The following ITGA11 variants were observed in gnomAD, a reference collection of about 807,000 sequenced individuals.
ITGA11 encodes integrin subunit alpha 11.
ITGA11 carries 97 observed loss-of-function variants against 141.9 expected under a neutral mutation model. The ratio of observed to expected loss-of-function variants is 0.68; its 90% CI spans 0.58 to 0.81. The LOEUF is 0.81. Among genes scored for constraint, ITGA11 ranks in the 30% least tolerant of loss-of-function variants. ITGA11 has a pLI of 0.00. For missense variants in ITGA11, 1,387 were observed against 1,559.2 expected (o/e 0.89, Z 1.86); for synonymous variants, 658 against 624.6 (o/e 1.05, Z -0.80).
chr15:68,388,179 C>T (rs1896031301), intron 2 of ITGA11, among the ~76,000 whole-genome samples: 1 of 152,188 alleles, frequency 6.6e-6, no homozygotes, highest in African/African-American at 2.4e-5. Context: ...AATCATCCTG[C>T]AGCCTCTTGC....
chr15:68,336,610 C>G lies in ITGA11; in HGVS notation c.1277-765G>C, dbSNP rs915850833. ...AAATGTGCAGCAACTTCAGGCAACT[C>G]TCCTGAAAGTGGGCTCCAGCAGGTG... On this transcript the variant is annotated intron_variant, in intron 11 of 29. Coordinates refer to ENST00000315757, the MANE Select transcript of ITGA11 (RefSeq NM_001004439.2). Among the ~76,000 whole-genome samples, 5 of 152,208 alleles carry G rather than the reference C, an allele frequency of 3.3e-5. No homozygotes were observed. The South Asian group carries it at 8.3e-4, about 25-fold the overall frequency.
At chr15:68,352,564 G>A (rs1229767396) in intron 7 of ITGA11, among the ~76,000 whole-genome samples, 1 of 152,120 alleles carries the variant, frequency 6.6e-6, no homozygotes, top group Non-Finnish European at 1.5e-5. Flanking sequence ...CTGAAAACAG[G>A]ATGTGCCAGG....
At chr15:68,369,326 A>T (rs1419650318) in intron 2 of ITGA11, 42 bp from the exon 3 acceptor site, 1 of 1,205,838 alleles carries the variant, frequency 8.3e-7, no homozygotes, top group Admixed American at 2.2e-5. Context: ...TGGGGGAGGT[A>T]CTCTTTCCTG....
chr15:68,416,870 C>T (rs181094145), intron 1 of ITGA11, among the ~76,000 whole-genome samples: 11 of 152,240 alleles, frequency 7.2e-5, no homozygotes, highest in Middle Eastern at 3.4e-3. Flanking sequence ...AAGCCAAGAT[C>T]GCACCACTGC....
Position 68,303,865 on chromosome 15 carries a change from C to A in ITGA11, c.3402G>T (p.Lys1134Asn), listed in dbSNP as rs201171435. Reference protein sequence around the residue: ...PSRQIVFEISKQEDWQVPIWI... With the variant: ...PSRQIVFEISNQEDWQVPIWI... ...AGATGGGGACCTGCCAGTCCTCTTG[C>A]TTGGAGATCTCAAACACGATCTGCA... Residue 1134 changes from lysine to asparagine, a missense_variant, in exon 29 of 30, where the codon AAG becomes AAT. Transcript: ENST00000315757. This position sits in a 1 kb window ranked among gnomAD's most constrained non-coding sequence, Gnocchi z 5.3. 8.3e-4 allele frequency: 1,336 copies of A among 1,612,354 alleles called. 20 individuals are homozygous for A. The Admixed American group carries it at 0.021, about 26-fold the overall frequency.
intron 10 of ITGA11, among the ~76,000 whole-genome samples, chr15:68,342,771 G>A (rs561008538): frequency 6.6e-6 from 1 of 152,328 alleles, no homozygotes; most frequent in South Asian, 2.1e-4. Flanking sequence ...GGGTAGTGGT[G>A]GGGGTGCTAC....
intron 10 of ITGA11, among the ~76,000 whole-genome samples, chr15:68,344,872 C>T (rs966302002): frequency 7.9e-5 from 12 of 152,278 alleles, no homozygotes; most frequent in African/African-American, 2.6e-4. Context: ...AAACTGCTTC[C>T]TTCTGTAAAC....
At chr15:68,383,654 T>G (rs1373083605) in intron 2 of ITGA11, among the ~76,000 whole-genome samples, 2 of 152,154 alleles carry the variant, frequency 1.3e-5, no homozygotes, top group African/African-American at 4.8e-5. Context: ...GCACATAAAG[T>G]GCCAAGGAGC....
At position 68,298,890 on chromosome 15, in the gene ITGA11, A is replaced by T. The variant is rs1892964270; in HGVS notation, c.*4169T>A. On this transcript the variant is annotated 3_prime_UTR_variant, in exon 30 of 30. Coordinates refer to ENST00000315757, the MANE Select transcript of ITGA11 (RefSeq NM_001004439.2). The stretch of plus-strand genomic sequence containing the variant: ...GCGAGACCCTGTCTCTACAAAAAAT[A>T]CTAAAATTAGCTGAGTGTGGTGTGT... 1 of 152,162 alleles carries T rather than the reference A, an allele frequency of 6.6e-6. No homozygotes were observed. Among genetic ancestry groups the T allele is most frequent in the Admixed American group, 6.5e-5 (1 of 15,282 alleles). 9.4% of individuals were successfully genotyped at this position (152,162 alleles called of 1,614,324 possible).
intron 2 of ITGA11, among the ~76,000 whole-genome samples, chr15:68,374,527 T>C (rs1341836074): frequency 6.6e-6 from 1 of 152,050 alleles, no homozygotes; most frequent in Non-Finnish European, 1.5e-5. Context: ...CCTAGGGTGG[T>C]GCTTCCCCCA....
intron 9 of ITGA11, among the ~76,000 whole-genome samples, chr15:68,350,159 G>A (rs771160887): frequency 6.6e-5 from 10 of 152,210 alleles, no homozygotes; most frequent in African/African-American, 1.2e-4. Context: ...CGTCCGGCAC[G>A]GAGTAATACT....
chr15:68,359,376 T>C (rs1470335133), intron 5 of ITGA11, among the ~76,000 whole-genome samples: 3 of 152,340 alleles, frequency 2.0e-5, no homozygotes, highest in African/African-American at 7.2e-5. Flanking sequence ...CTGGGAGTCA[T>C]GGCTCACACC....
chr15:68,340,281 CAGTGAGGCTGAATCTAG>C (rs934685987), intron 10 of ITGA11, among the ~76,000 whole-genome samples: 205 of 151,650 alleles, frequency 1.4e-3, no homozygotes, highest in Admixed American at 1.3e-3. Context: ...GGGAAAACCA[CAGTGAGGCTGAATCTAG>C]ATTGAGATGG....
chr15:68,429,764 T>G (rs1897228193), intron 1 of ITGA11, among the ~76,000 whole-genome samples: 1 of 152,232 alleles, frequency 6.6e-6, no homozygotes, highest in African/African-American at 2.4e-5. Flanking sequence ...GGTTTTAAAA[T>G]ATTCATCATC....
intron 20 of ITGA11, among the ~76,000 whole-genome samples, chr15:68,317,707 G>T (rs148301867): frequency 4.1e-4 from 62 of 152,306 alleles, no homozygotes; most frequent in African/African-American, 1.5e-3. Flanking sequence ...TACATGACGC[G>T]ATGCACATAA....
At chr15:68,375,916 C>T (rs1261447512) in intron 2 of ITGA11, among the ~76,000 whole-genome samples, 2 of 152,134 alleles carry the variant, frequency 1.3e-5, no homozygotes, top group African/African-American at 4.8e-5. Context: ...GGGTGGGCCT[C>T]ATCCAATCAG....
intron 2 of ITGA11, 37 bp downstream of exon 2, chr15:68,402,881 G>A (rs142001507): frequency 1.4e-5 from 20 of 1,414,126 alleles, no homozygotes. Context: ...GGTGTGGAAT[G>A]GTACAGGGCT....
In ITGA11 at chr15:68,333,065, T is replaced by G. The variant is rs570866103; in HGVS notation, c.1426-587A>C. Among the ~76,000 whole-genome samples the G allele has an allele frequency of 1.9e-4, 29 of 152,196 alleles. No homozygotes were observed. The highest frequency in any genetic ancestry group is 6.3e-4 in the African/African-American group (26 of 41,530). ...ATTCCACAGTGCTCCAAATTATGCA[T>G]GTATCATAATGTGTTTAATCAGTTA... On this transcript the variant is annotated intron_variant, in intron 12 of 29. Coordinates refer to ENST00000315757, the MANE Select transcript of ITGA11 (RefSeq NM_001004439.2). The surrounding 1 kb of genome is among the most constrained non-coding windows in gnomAD (Gnocchi z 4.2).
intron 3 of ITGA11, among the ~76,000 whole-genome samples, chr15:68,365,701 T>C (rs558273494): frequency 1.2e-4 from 11 of 92,654 alleles, no homozygotes; most frequent in African/African-American, 2.4e-4. Context: ...CTTTTCTCTT[T>C]TCTTTTTTTT....
Sources: gnomAD v4.1 joint callset for allele counts (sites outside exome capture counted in the v4.1 genomes callset) on GRCh38, gnomAD v4.1.1 for gene constraint, Gnocchi (gnomAD v3.1) non-coding constraint, MANE v1.5 for transcripts, NCBI Gene and HGNC (gene_info 2026-07-23, HGNC 2026-07-21) for gene names.